POU6F2: variants seen among roughly 807,000 people sequenced by gnomAD.
POU6F2 encodes POU class 6 homeobox 2.
POU6F2 carries 31 observed loss-of-function variants against 71.3 expected under a neutral mutation model. The ratio of observed to expected loss-of-function variants is 0.43; its 90% CI spans 0.33 to 0.59. The LOEUF (loss-of-function observed/expected upper bound fraction) is 0.59. Ranked by LOEUF, POU6F2 falls within the 20% of genes least tolerant of loss-of-function variation. POU6F2 has a pLI of 0.04. For missense variants in POU6F2, 783 were observed against 856.8 expected (o/e 0.91, Z 1.07); for synonymous variants, 347 against 355.7 (o/e 0.98, Z 0.27).
chr7:39,037,799 G>T (rs967678900), intron 1 of POU6F2, among the ~76,000 whole-genome samples: 2 of 151,958 alleles, frequency 1.3e-5, no homozygotes, highest in Non-Finnish European at 2.9e-5. Context: ...TGTGCCATCG[G>T]CCTGATTGTT....
intron 1 of POU6F2, among the ~76,000 whole-genome samples, chr7:39,026,874 G>A (rs766184437): frequency 3.3e-5 from 5 of 152,086 alleles, no homozygotes; most frequent in Non-Finnish European, 5.9e-5. Flanking sequence ...AACCTAGGTT[G>A]GAATGCAGGG....
intron 4 of POU6F2, among the ~76,000 whole-genome samples, chr7:39,248,442 C>G (rs1189287975): frequency 6.6e-6 from 1 of 152,160 alleles, no homozygotes; most frequent in Non-Finnish European, 1.5e-5. Context: ...CCTCCTCAGC[C>G]CATCACAGAA....
intron 1 of POU6F2, chr7:38,984,419 C>T (rs1788409667): frequency 6.6e-6 from 1 of 152,018 alleles, no homozygotes; most frequent in African/African-American, 2.4e-5. Flanking sequence ...GAAAGAGAGA[C>T]AAGACCTCGA....
At chr7:39,448,715 T>C (rs1390456787) in intron 7 of POU6F2, among the ~76,000 whole-genome samples, 1 of 152,224 alleles carries the variant, frequency 6.6e-6, no homozygotes, top group Non-Finnish European at 1.5e-5. Flanking sequence ...AATTGGTGTC[T>C]TTTCCAGTTC....
intron 4 of POU6F2, among the ~76,000 whole-genome samples, chr7:39,291,777 T>G (rs1784761279): frequency 6.6e-6 from 1 of 152,154 alleles, no homozygotes; most frequent in Non-Finnish European, 1.5e-5. Context: ...GTTGCAATTT[T>G]TTTTAAAGCT....
chr7:39,231,336 A>G (rs1584614988), intron 4 of POU6F2, among the ~76,000 whole-genome samples: 1 of 152,174 alleles, frequency 6.6e-6, no homozygotes, highest in African/African-American at 2.4e-5. Context: ...TTAAGCAGGG[A>G]TGGAATTAAC....
chr7:39,408,149 C>G (rs887869745), intron 6 of POU6F2, among the ~76,000 whole-genome samples: 2 of 152,156 alleles, frequency 1.3e-5, no homozygotes, highest in East Asian at 3.9e-4. Context: ...CACATCAGGT[C>G]GCTGCTTCGT....
chr7:39,157,500 G>C (rs1226888138), intron 2 of POU6F2, among the ~76,000 whole-genome samples: 1 of 152,090 alleles, frequency 6.6e-6, no homozygotes, highest in East Asian at 1.9e-4. Context: ...AAGAAGATAA[G>C]CTGTTTCTAG....
intron 4 of POU6F2, among the ~76,000 whole-genome samples, chr7:39,283,699 G>C (rs1784604398): frequency 6.6e-6 from 1 of 152,044 alleles, no homozygotes; most frequent in Admixed American, 6.5e-5. Flanking sequence ...TCCACTTTTT[G>C]GCTATTGAGC....
At chr7:39,242,626 G>A (rs1244854212) in intron 4 of POU6F2, among the ~76,000 whole-genome samples, 1 of 152,070 alleles carries the variant, frequency 6.6e-6, no homozygotes, top group Non-Finnish European at 1.5e-5. Context: ...ATGAAAATCA[G>A]ATAGGAAGCT....
intron 2 of POU6F2, among the ~76,000 whole-genome samples, chr7:39,157,239 T>C (rs1190858563): frequency 1.3e-5 from 2 of 152,194 alleles, no homozygotes; most frequent in Admixed American, 1.3e-4. Context: ...TTATTGTTAA[T>C]GTCTGTGGGG....
intron 4 of POU6F2, among the ~76,000 whole-genome samples, chr7:39,240,018 T>C (rs1454606923): frequency 2.0e-5 from 3 of 152,168 alleles, no homozygotes; most frequent in African/African-American, 7.2e-5. Flanking sequence ...TGCTAAGTAT[T>C]CTTAAACAGA....
intron 4 of POU6F2, among the ~76,000 whole-genome samples, chr7:39,258,201 G>A (rs990962964): frequency 6.6e-6 from 1 of 152,270 alleles, no homozygotes; most frequent in Admixed American, 6.5e-5. Flanking sequence ...AACAGAAACA[G>A]TAGTTACATA....
intron 2 of POU6F2, among the ~76,000 whole-genome samples, chr7:39,129,666 T>C (rs1044766967): frequency 3.4e-5 from 5 of 148,008 alleles, no homozygotes; most frequent in African/African-American, 7.5e-5. Context: ...GATAGATAGA[T>C]AGACTGATGG....
At chr7:39,159,600 C>G (rs1325795358) in intron 2 of POU6F2, among the ~76,000 whole-genome samples, 1 of 152,172 alleles carries the variant, frequency 6.6e-6, no homozygotes, top group Non-Finnish European at 1.5e-5. Context: ...CATACCTACT[C>G]TGTGCAAAGC....
intron 8 of POU6F2, among the ~76,000 whole-genome samples, chr7:39,459,672 A>C (rs1282585471): frequency 6.6e-6 from 1 of 152,234 alleles, no homozygotes; most frequent in African/African-American, 2.4e-5. Context: ...GTCAGCTCAC[A>C]GGGAGAATGG....
intron 5 of POU6F2, among the ~76,000 whole-genome samples, chr7:39,348,639 G>A (rs991309695): frequency 1.3e-5 from 2 of 152,098 alleles, no homozygotes; most frequent in African/African-American, 4.8e-5. Flanking sequence ...CCACCTCTGC[G>A]ATGTTCATTT....
At chr7:38,984,612 G>A (rs1488416329) in intron 1 of POU6F2, among the ~76,000 whole-genome samples, 1 of 152,116 alleles carries the variant, frequency 6.6e-6, no homozygotes, top group Admixed American at 6.6e-5. Context: ...TCTAAGAAAA[G>A]GCCTCACAGT....
At chr7:39,275,289 C>T (rs1393818841) in intron 4 of POU6F2, among the ~76,000 whole-genome samples, 1 of 152,142 alleles carries the variant, frequency 6.6e-6, no homozygotes, top group Non-Finnish European at 1.5e-5. Context: ...CATGAGTGAA[C>T]TCCCATTCAC....
Sources: allele counts gnomAD v4.1 joint callset (sites outside exome capture counted in the v4.1 genomes callset), GRCh38; gene constraint gnomAD v4.1.1; transcripts MANE v1.5; gene names NCBI Gene and HGNC (gene_info 2026-07-23, HGNC 2026-07-21).